B3GALT1: variants seen among roughly 807,000 people sequenced by gnomAD.
The protein encoded by B3GALT1 is UDP-Gal:betaGlcNAc beta 1,3-galactosyltransferase, polypeptide 1.
In B3GALT1, 10 loss-of-function variants were observed where a neutral mutation model predicts 23.2. The observed-to-expected ratio is 0.43, with a 90% CI of 0.27 to 0.73. The LOEUF (loss-of-function observed/expected upper bound fraction) is 0.73, where lower values mean the gene tolerates loss of function less well. B3GALT1 is among the 30% of genes least tolerant of loss of function. B3GALT1 has a pLI of 0.21. For missense variants in B3GALT1, 299 were observed against 405.4 expected, an observed-to-expected ratio of 0.74 and a Z score of 2.25; for synonymous variants, 156 against 141.5, an observed-to-expected ratio of 1.10 and a Z score of -0.73.
chr2:167,856,055 AG>A (rs1257886486), intron 4 of B3GALT1, among the ~76,000 whole-genome samples: 1 of 152,216 alleles, frequency 6.6e-6, no homozygotes, highest in African/African-American at 2.4e-5. Context: ...TAACAATTTC[AG>A]AAACAAGCTG....
At chr2:167,553,492 G>A (rs980860593) in intron 2 of B3GALT1, among the ~76,000 whole-genome samples, 2 of 152,096 alleles carry the variant, frequency 1.3e-5, no homozygotes, top group Admixed American at 6.6e-5. Flanking sequence ...TACTGGTCAG[G>A]ATTTCTTTGT....
At chr2:167,784,078 A>C (rs921183422) in intron 3 of B3GALT1, among the ~76,000 whole-genome samples, 1 of 152,076 alleles carries the variant, frequency 6.6e-6, no homozygotes, top group Non-Finnish European at 1.5e-5. Context: ...CTAGACTTTT[A>C]TTTTTTTCAA....
chr2:167,821,715 G>A lies in B3GALT1; in HGVS notation c.-230+2922G>A, dbSNP rs572872791. 2.6e-5 allele frequency among the ~76,000 whole-genome samples: 4 copies of A among 151,664 alleles called. No homozygotes were observed. In the South Asian group the frequency reaches 6.3e-4, roughly 24 times the overall value. On this transcript the variant is annotated intron_variant, in intron 4 of 4. Coordinates refer to ENST00000392690, the MANE Select transcript of B3GALT1 (RefSeq NM_020981.4). ...CTCCCAAAGTGCTGAGATTACAGGC[G>A]TAAGCCACTGCACCCAGCCTAGGAA...
At chr2:167,828,747 A>G (rs915477006) in intron 4 of B3GALT1, among the ~76,000 whole-genome samples, 1 of 152,238 alleles carries the variant, frequency 6.6e-6, no homozygotes, top group Non-Finnish European at 1.5e-5. Flanking sequence ...CATTTGAGCT[A>G]GAAACAACCA....
chr2:167,525,389 A>T (rs951785843), intron 2 of B3GALT1, among the ~76,000 whole-genome samples: 1 of 151,080 alleles, frequency 6.6e-6, no homozygotes, highest in Admixed American at 6.6e-5. Context: ...CACATTTATT[A>T]TTCTTTATAA....
At chr2:167,785,023 G>A (rs1688318067) in intron 3 of B3GALT1, among the ~76,000 whole-genome samples, 1 of 152,152 alleles carries the variant, frequency 6.6e-6, no homozygotes, top group Admixed American at 6.5e-5. Flanking sequence ...CATCTGCCGT[G>A]TACATCTGAC....
chr2:167,529,078 T>C (rs1169910315), intron 2 of B3GALT1, among the ~76,000 whole-genome samples: 2 of 152,136 alleles, frequency 1.3e-5, no homozygotes, highest in Non-Finnish European at 2.9e-5. Flanking sequence ...CTGAAACTCA[T>C]GTCATTTCTC....
chr2:167,862,351 C>G (rs924760285), intron 4 of B3GALT1, among the ~76,000 whole-genome samples: 2 of 152,228 alleles, frequency 1.3e-5, no homozygotes, highest in African/African-American at 4.8e-5. Context: ...ACCAGAAGCA[C>G]TGGTGTCTGA....
chr2:167,750,587 G>T (rs372078677), intron 3 of B3GALT1, among the ~76,000 whole-genome samples: 40 of 152,110 alleles, frequency 2.6e-4, no homozygotes, highest in African/African-American at 8.7e-4. Context: ...GTTCAACCAG[G>T]TTGGTACCTG....
At chr2:167,563,406 G>T (rs1684061278) in intron 2 of B3GALT1, among the ~76,000 whole-genome samples, 1 of 131,184 alleles carries the variant, frequency 7.6e-6, no homozygotes, top group Admixed American at 7.3e-5. Context: ...GGCCGGGCGG[G>T]GGGCTGACCC....
intron 3 of B3GALT1, among the ~76,000 whole-genome samples, chr2:167,788,898 G>A (rs766747554): frequency 7.2e-5 from 11 of 152,070 alleles, no homozygotes; most frequent in South Asian, 6.2e-4. Context: ...ATCATATTCC[G>A]TGACTGTCTT....
chr2:167,556,903 A>G (rs1378084942), intron 2 of B3GALT1, among the ~76,000 whole-genome samples: 1 of 152,208 alleles, frequency 6.6e-6, no homozygotes, highest in African/African-American at 2.4e-5. Flanking sequence ...GAGGTAGGTA[A>G]TGTTATGTCT....
intron 1 of B3GALT1, among the ~76,000 whole-genome samples, chr2:167,364,409 A>G (rs533544056): frequency 4.0e-5 from 6 of 151,452 alleles, no homozygotes; most frequent in Non-Finnish European, 7.4e-5. Context: ...GGTTTGTTAC[A>G]TATGTATACA....
intron 1 of B3GALT1, among the ~76,000 whole-genome samples, chr2:167,462,763 T>C (rs1026316145): frequency 2.6e-5 from 4 of 152,198 alleles, no homozygotes; most frequent in African/African-American, 9.6e-5. Flanking sequence ...TCAGTATAGA[T>C]TCTTCTCATA....
chr2:167,538,786 A>G (rs1683475511), intron 2 of B3GALT1, among the ~76,000 whole-genome samples: 1 of 152,242 alleles, frequency 6.6e-6, no homozygotes, highest in African/African-American at 2.4e-5. Context: ...AAGTAAACAG[A>G]TTTTTAGTAG....
chr2:167,760,286 T>C (rs1309136369), intron 3 of B3GALT1, among the ~76,000 whole-genome samples: 4 of 152,234 alleles, frequency 2.6e-5, no homozygotes, highest in Admixed American at 2.0e-4. Context: ...TCATAATAAA[T>C]GAGAACTCAT....
At chr2:167,463,607 G>A (rs1699299944) in intron 1 of B3GALT1, among the ~76,000 whole-genome samples, 2 of 152,062 alleles carry the variant, frequency 1.3e-5, no homozygotes, top group South Asian at 2.1e-4. Flanking sequence ...ATATGATAAA[G>A]CAATAGCACA....
intron 3 of B3GALT1, among the ~76,000 whole-genome samples, chr2:167,689,278 A>G (rs1387856508): frequency 6.6e-6 from 1 of 152,104 alleles, no homozygotes; most frequent in Non-Finnish European, 1.5e-5. Context: ...CTGAAAGAAG[A>G]AAATAGCTAA....
At chr2:167,342,264 A>G (rs922700447) in intron 1 of B3GALT1, among the ~76,000 whole-genome samples, 3 of 152,204 alleles carry the variant, frequency 2.0e-5, no homozygotes, top group African/African-American at 7.2e-5. Context: ...CTTGGAATCA[A>G]TACTTCCCAA....
Sources: allele counts gnomAD v4.1 joint callset (sites outside exome capture counted in the v4.1 genomes callset), GRCh38; gene constraint gnomAD v4.1.1; transcripts MANE v1.5; gene names NCBI Gene and HGNC (gene_info 2026-07-23, HGNC 2026-07-21).